The following ROBO2 variants were observed in gnomAD, a reference collection of about 807,000 sequenced individuals.
ROBO2 encodes roundabout homolog 2.
Under a neutral mutation model 160.8 loss-of-function variants are expected in ROBO2, and 53 were observed. The observed-to-expected ratio is 0.33, with a 90% CI of 0.26 to 0.41. The LOEUF is 0.41. Ranked by LOEUF, ROBO2 falls within the 10% of genes least tolerant of loss-of-function variation. ROBO2 has a pLI of 1.00. For synonymous variants in ROBO2, 664 were observed against 611.7 expected, an observed-to-expected ratio of 1.09 and a Z score of -1.26; for missense variants, 1,577 against 1,722.4, an observed-to-expected ratio of 0.92 and a Z score of 1.49.
chr3:77,354,794 A>G (rs2068833112), intron 2 of ROBO2, among the ~76,000 whole-genome samples: 1 of 152,314 alleles, frequency 6.6e-6, no homozygotes, highest in Non-Finnish European at 1.5e-5. Flanking sequence ...GTGAAAAGTC[A>G]CACATGGCTG....
chr3:76,444,411 T>A (rs1025238084), intron 2 of ROBO2, among the ~76,000 whole-genome samples: 1 of 152,202 alleles, frequency 6.6e-6, no homozygotes, highest in African/African-American at 2.4e-5. Context: ...TCCATTTTCA[T>A]ACTGCTATAA....
At chr3:76,453,996 C>T (rs895567734) in intron 2 of ROBO2, among the ~76,000 whole-genome samples, 2 of 152,224 alleles carry the variant, frequency 1.3e-5, no homozygotes, top group East Asian at 1.9e-4. Context: ...GGGCCATGCT[C>T]ATTTCTGTGC....
At position 77,093,404 on chromosome 3, in the gene ROBO2, C is replaced by CAAAAACA. The variant is rs1230773140; in HGVS notation, c.62-4610_62-4609insAAAAACA. ...CCAGTGAGTTTTGCTGACAACTCAG[C>CAAAAACA]TTTATTTTTTGACCAAATAATGGAG... On this transcript the variant is annotated intron_variant, in intron 1 of 25. Coordinates refer to ENST00000461745, the Ensembl canonical transcript of ROBO2. 5.5e-4 allele frequency among the ~76,000 whole-genome samples: 84 copies of CAAAAACA among 152,256 alleles called. 2 individuals are homozygous for CAAAAACA. Among genetic ancestry groups the CAAAAACA allele is most frequent in the African/African-American group, 1.9e-3 (81 of 41,540 alleles).
intron 2 of ROBO2, among the ~76,000 whole-genome samples, chr3:76,582,115 A>G (rs2085741260): frequency 6.6e-6 from 1 of 152,192 alleles, no homozygotes. Flanking sequence ...CTGAGAACTA[A>G]TTAGTCTGAT....
At chr3:77,164,671 A>C in intron 2 of ROBO2, among the ~76,000 whole-genome samples, 1 of 112,430 alleles carries the variant, frequency 8.9e-6, no homozygotes, top group African/African-American at 3.5e-5. Flanking sequence ...TGGGGGGGTC[A>C]GCCCCCCGCC....
intron 2 of ROBO2, among the ~76,000 whole-genome samples, chr3:75,973,167 G>T (rs1394481957): frequency 1.3e-5 from 2 of 151,588 alleles, no homozygotes; most frequent in Non-Finnish European, 3.0e-5. Context: ...ATTTACATAG[G>T]CAAAGCATAG....
At chr3:76,264,989 C>T (rs556931267) in intron 2 of ROBO2, among the ~76,000 whole-genome samples, 37 of 152,210 alleles carry the variant, frequency 2.4e-4, no homozygotes, top group Non-Finnish European at 4.1e-4. Context: ...GAGAAAATAC[C>T]ACCTTGTGTT....
Position 76,304,749 on chromosome 3 carries a change from T to TC in ROBO2, c.109+367148dup, listed in dbSNP as rs1387715691. ...CTTTCTTTCTTTTCTTTTCTTTCCT[T>TC]CTTTCTTTCTTTCTTTCTTTCTTTC... On this transcript the variant is annotated intron_variant, in intron 2 of 26. Coordinates refer to the ROBO2 transcript ENST00000487694. Among the ~76,000 whole-genome samples, 63 of 96,660 alleles carry TC rather than the reference T, an allele frequency of 6.5e-4. 2 individuals carry two copies. The East Asian group carries it at 8.9e-3, about 14-fold the overall frequency. The allele number at this position is 96,660 out of a possible 152,430, so 63.4% of individuals were successfully genotyped here.
rs182174940 is a variant in ROBO2 at position 76,726,375 on chromosome 3, T to A, written c.110-371639T>A. Among the ~76,000 whole-genome samples, 42 of 152,296 alleles carry A rather than the reference T, an allele frequency of 2.8e-4. No individual in the cohort carries two copies. In the East Asian group the frequency reaches 7.9e-3, roughly 29 times the overall value. On this transcript the variant is annotated intron_variant, in intron 2 of 26. Transcript: ENST00000487694. ...TAGGCTATGATTTTTTTAGGTATAT[T>A]GTTAACACTTTGCCCTCCCGCAACT...
chr3:76,837,096 T>G (rs2067769200), intron 2 of ROBO2, among the ~76,000 whole-genome samples: 1 of 151,934 alleles, frequency 6.6e-6, no homozygotes, highest in Non-Finnish European at 1.5e-5. Context: ...CTACATGTAT[T>G]TGGTTTGGGT....
At chr3:75,937,162 A>T (rs1235183511) in intron 1 of ROBO2, among the ~76,000 whole-genome samples, 1 of 152,080 alleles carries the variant, frequency 6.6e-6, no homozygotes, top group African/African-American at 2.4e-5. Context: ...TCCATACACA[A>T]TTTTTTTGCT....
chr3:76,317,157 C>T (rs890992271), intron 2 of ROBO2, among the ~76,000 whole-genome samples: 11 of 152,172 alleles, frequency 7.2e-5, no homozygotes, highest in African/African-American at 2.4e-4. Flanking sequence ...TTTGATTAAT[C>T]TTTGTTAACA....
intron 1 of ROBO2, among the ~76,000 whole-genome samples, chr3:77,050,306 C>T (rs1051443306): frequency 6.6e-5 from 10 of 151,990 alleles, no homozygotes; most frequent in Admixed American, 6.6e-4. Context: ...ATTTCACCTT[C>T]CTCATCTTAA....
intron 2 of ROBO2, among the ~76,000 whole-genome samples, chr3:76,511,000 C>T (rs1323509580): frequency 1.3e-5 from 2 of 152,152 alleles, no homozygotes; most frequent in Non-Finnish European, 2.9e-5. Flanking sequence ...GATAAAACAT[C>T]TGCTGATCAT....
intron 2 of ROBO2, among the ~76,000 whole-genome samples, chr3:76,872,345 A>T (rs11925855): frequency 6.6e-6 from 1 of 152,152 alleles, no homozygotes; most frequent in Admixed American, 6.5e-5. Context: ...TATAAAAAAT[A>T]CAGAAAACAT....
intron 5 of ROBO2, among the ~76,000 whole-genome samples, chr3:77,496,254 G>A (rs2086766078): frequency 6.6e-6 from 1 of 152,118 alleles, no homozygotes. Flanking sequence ...AATTGTTTTT[G>A]TTAGAAAGGC....
chr3:77,504,870 GAT>G (rs1303993978), intron 5 of ROBO2, among the ~76,000 whole-genome samples: 3 of 152,260 alleles, frequency 2.0e-5, no homozygotes, highest in African/African-American at 7.2e-5. Context: ...GAAAATAAAA[GAT>G]AGTCTATTCC....
chr3:76,989,362 C>G (rs1351527539), intron 2 of ROBO2, among the ~76,000 whole-genome samples: 1 of 152,068 alleles, frequency 6.6e-6, no homozygotes, highest in East Asian at 1.9e-4. Context: ...TCTGTGCAGG[C>G]TGATTCTGCT....
At chr3:75,918,502 T>C (rs532939646) in intron 1 of ROBO2, among the ~76,000 whole-genome samples, 1 of 152,280 alleles carries the variant, frequency 6.6e-6, no homozygotes, top group Admixed American at 6.5e-5. Flanking sequence ...CTTAGGCTAG[T>C]TTTGGCTCCA....
Sources: gnomAD v4.1 joint callset for allele counts (sites outside exome capture counted in the v4.1 genomes callset) on GRCh38, gnomAD v4.1.1 for gene constraint, MANE v1.5 for transcripts, NCBI Gene and HGNC (gene_info 2026-07-23, HGNC 2026-07-21) for gene names.